Variants in LRP1B observed in about 807,000 individuals in gnomAD.
LRP1B encodes low-density lipoprotein receptor-related protein 1B.
A neutral mutation model predicts 556.6 loss-of-function variants in LRP1B; 217 were observed. That is an observed-to-expected ratio of 0.39 (90% CI 0.35 to 0.44). LRP1B has a LOEUF of 0.44. Among genes scored for constraint, LRP1B ranks in the 20% least tolerant of loss-of-function variants. The probability of loss-of-function intolerance (pLI) is 1.00; values close to 1 mark genes in which losing one functional copy is unlikely to be tolerated. For synonymous variants in LRP1B, 2,047 were observed against 1,865.8 expected, an observed-to-expected ratio of 1.10 and a Z score of -2.50; for missense variants, 5,053 against 5,620.8, an observed-to-expected ratio of 0.90 and a Z score of 3.23.
intron 2 of LRP1B, among the ~76,000 whole-genome samples, chr2:141,562,434 C>G (rs1686190548): frequency 6.6e-6 from 1 of 151,906 alleles, no homozygotes; most frequent in Admixed American, 6.6e-5. Context: ...AATTAATTTA[C>G]TATTACTCCC....
intron 1 of LRP1B, among the ~76,000 whole-genome samples, chr2:141,890,938 C>T (rs1003729772): frequency 6.6e-6 from 1 of 152,102 alleles, no homozygotes; most frequent in African/African-American, 2.4e-5. Flanking sequence ...ACCCCATAAC[C>T]TTGCACCTAT....
chr2:140,839,193 T>A (rs566169290), intron 31 of LRP1B, among the ~76,000 whole-genome samples: 2 of 152,350 alleles, frequency 1.3e-5, no homozygotes, highest in East Asian at 3.9e-4. Context: ...AGAGATTGAT[T>A]AATTAAATTA....
chr2:142,119,674 T>C (rs1707385852), intron 1 of LRP1B, among the ~76,000 whole-genome samples: 1 of 152,166 alleles, frequency 6.6e-6, no homozygotes, highest in Admixed American at 6.5e-5. Flanking sequence ...CCTTTCTCTT[T>C]TTTTCATATA....
intron 3 of LRP1B, among the ~76,000 whole-genome samples, chr2:141,434,563 T>A (rs568931776): frequency 6.6e-6 from 1 of 152,144 alleles, no homozygotes; most frequent in Non-Finnish European, 1.5e-5. Flanking sequence ...TGCCTTGAAG[T>A]CTGTTTCTAA....
rs190057011 is a variant in LRP1B, at chr2:141,102,959, A to C, written c.1014-40686T>G. Among the ~76,000 whole-genome samples, 163 of 152,266 alleles carry C rather than the reference A, an allele frequency of 1.1e-3. 1 individual carries two copies. Among genetic ancestry groups the C allele is most frequent in the African/African-American group, 2.9e-3 (122 of 41,584 alleles). On this transcript the variant is annotated intron_variant, in intron 7 of 90. Coordinates refer to ENST00000389484, the MANE Select transcript of LRP1B (RefSeq NM_018557.3). ...GCTATATTCTGATCCATTTCTGTTA[A>C]TAACAAGATAATCTTTTCATCCTTA...
At chr2:140,929,646 C>T (rs1238870080) in intron 20 of LRP1B, among the ~76,000 whole-genome samples, 1 of 151,790 alleles carries the variant, frequency 6.6e-6, no homozygotes, top group Non-Finnish European at 1.5e-5. Flanking sequence ...ACTATTTAAA[C>T]AATAAATAGA....
At chr2:141,345,242 T>C (rs1036391509) in intron 3 of LRP1B, among the ~76,000 whole-genome samples, 4 of 151,940 alleles carry the variant, frequency 2.6e-5, no homozygotes, top group African/African-American at 9.7e-5. Context: ...TACTGCCCAC[T>C]TGATTTTGGC....
At chr2:141,114,040 G>A (rs968215837) in intron 7 of LRP1B, among the ~76,000 whole-genome samples, 4 of 152,242 alleles carry the variant, frequency 2.6e-5, no homozygotes, top group Non-Finnish European at 5.9e-5. Flanking sequence ...ATTTTAAAAT[G>A]TCACGAATTA....
intron 41 of LRP1B, among the ~76,000 whole-genome samples, chr2:140,611,779 AT>A (rs1373879970): frequency 6.6e-6 from 1 of 152,096 alleles, no homozygotes; most frequent in Non-Finnish European, 1.5e-5. Flanking sequence ...CACATAATAA[AT>A]GTTATGTAAT....
At chr2:141,808,795 CT>C (rs1347088198) in intron 2 of LRP1B, among the ~76,000 whole-genome samples, 2 of 152,080 alleles carry the variant, frequency 1.3e-5, no homozygotes, top group African/African-American at 2.4e-5. Flanking sequence ...CACTTTCTGT[CT>C]CTATAGATTT....
At chr2:140,476,414 G>A (rs1337513319) in intron 59 of LRP1B, among the ~76,000 whole-genome samples, 1 of 151,900 alleles carries the variant, frequency 6.6e-6, no homozygotes, top group Non-Finnish European at 1.5e-5. Context: ...AAATATTTTA[G>A]ATGATTGTAA....
At chr2:141,639,647 T>C (rs1689258196) in intron 2 of LRP1B, among the ~76,000 whole-genome samples, 1 of 151,946 alleles carries the variant, frequency 6.6e-6, no homozygotes, top group African/African-American at 2.4e-5. Flanking sequence ...TTTTAAATTT[T>C]ATCTCACTGG....
chr2:140,903,017 C>A lies in LRP1B; in HGVS notation c.3669G>T (p.Lys1223Asn), dbSNP rs574529710. The change falls in exon 23 of 91, where the codon AAG becomes AAT. Residue 1223 changes from lysine (K) to asparagine (N), a missense_variant. This residue lies in a region of LRP1B where 3,619 missense variants were observed against 3,931.9 expected (regional missense o/e 0.92). Transcript: ENST00000389484. The part of the protein sequence containing the change: ...EIVDYCSNHL[K>N]CSQVCEQHKH... The stretch of plus-strand genomic sequence containing the variant: ...TGTGCTGCTCACATACTTGGCTGCA[C>A]TTTAGATGATTGCTACAATAATCCA... The A allele has an allele frequency of 2.5e-6, 4 of 1,613,764 alleles. No homozygotes were observed. In the South Asian group the frequency reaches 3.3e-5, roughly 13 times the overall value.
chr2:140,702,736 G>T (rs1270907789), intron 37 of LRP1B, among the ~76,000 whole-genome samples, 183 bp from the exon 38 acceptor site: 5 of 152,062 alleles, frequency 3.3e-5, no homozygotes, highest in Admixed American at 6.6e-5. Flanking sequence ...TAAAAAAATA[G>T]TTAACCAGTC....
chr2:140,235,787 C>A (rs1278046661), intron 89 of LRP1B, among the ~76,000 whole-genome samples: 1 of 150,692 alleles, frequency 6.6e-6, no homozygotes, highest in African/African-American at 2.4e-5. Context: ...AATTCTATCA[C>A]TAGAAATAAA....
intron 45 of LRP1B, among the ~76,000 whole-genome samples, chr2:140,539,348 T>C (rs966369959): frequency 3.9e-5 from 6 of 152,124 alleles, no homozygotes; most frequent in Admixed American, 3.9e-4. Flanking sequence ...AGAGTTACTT[T>C]CTAATCTCTC....
intron 18 of LRP1B, among the ~76,000 whole-genome samples, chr2:140,956,329 T>TC (rs1277869302): frequency 6.6e-6 from 1 of 151,796 alleles, no homozygotes; most frequent in Non-Finnish European, 1.5e-5. Flanking sequence ...ATTATTTTTT[T>TC]CACTATACCA....
At chr2:142,057,844 A>G (rs987257604) in intron 1 of LRP1B, among the ~76,000 whole-genome samples, 3 of 152,154 alleles carry the variant, frequency 2.0e-5, no homozygotes, top group Non-Finnish European at 2.9e-5. Flanking sequence ...ATTTTTAGCT[A>G]TTCGTTCCTG....
chr2:140,819,854 T>C (rs1573761553), intron 31 of LRP1B, among the ~76,000 whole-genome samples: 1 of 152,138 alleles, frequency 6.6e-6, no homozygotes, highest in Non-Finnish European at 1.5e-5. Flanking sequence ...TAATGTAAAA[T>C]GGTAAAACCA....
Sources: allele counts gnomAD v4.1 joint callset (sites outside exome capture counted in the v4.1 genomes callset), GRCh38; gene constraint gnomAD v4.1.1; regional missense constraint gnomAD v4.1.1; transcripts MANE v1.5; gene names NCBI Gene and HGNC (gene_info 2026-07-23, HGNC 2026-07-21).